CNTN6: variants seen among roughly 807,000 people sequenced by gnomAD.
The protein encoded by CNTN6 is contactin-6.
In CNTN6, 137 loss-of-function variants were observed where a neutral mutation model predicts 122.8. That is an observed-to-expected ratio of 1.12 (90% CI 0.97 to 1.29). The LOEUF is 1.29. Ranked by LOEUF, CNTN6 falls within the 50% of genes most tolerant of loss-of-function variation. The pLI, the probability that CNTN6 is intolerant of heterozygous loss-of-function variation, is 0.00. For missense variants in CNTN6, 1,634 were observed against 1,223.4 expected (o/e 1.34, Z -5.01); for synonymous variants, 570 against 426.0 (o/e 1.34, Z -4.16).
intron 20 of CNTN6, among the ~76,000 whole-genome samples, chr3:1,391,374 T>A (rs1457112423): frequency 8.3e-6 from 1 of 121,098 alleles, no homozygotes. Flanking sequence ...CTAAAAACTC[T>A]CAATAAATTA....
At chr3:1,281,464 CTTTTTTTT>C (rs4065407) in intron 5 of CNTN6, among the ~76,000 whole-genome samples, 2 of 136,990 alleles carry the variant, frequency 1.5e-5, no homozygotes, top group Non-Finnish European at 3.2e-5. Flanking sequence ...TAAAAGTTGA[CTTTTTTTT>C]TTTTTTTTTT....
At chr3:1,373,787 C>A (rs76037419) in intron 15 of CNTN6, 25 bp downstream of exon 15, 4 of 1,557,158 alleles carry the variant, frequency 2.6e-6, no homozygotes, top group Non-Finnish European at 3.5e-6. Context: ...TGTTTTGGGT[C>A]ACTTTAAAAA....
intron 4 of CNTN6, among the ~76,000 whole-genome samples, chr3:1,234,578 T>TA (rs1287763931): frequency 1.3e-5 from 2 of 152,168 alleles, no homozygotes; most frequent in Admixed American, 6.5e-5. Context: ...AAATAACACT[T>TA]AAAAATGCTT....
At chr3:1,202,154 G>A (rs1157231626) in intron 2 of CNTN6, among the ~76,000 whole-genome samples, 2 of 152,112 alleles carry the variant, frequency 1.3e-5, no homozygotes, top group African/African-American at 2.4e-5. Context: ...GTTTCCCTAT[G>A]GTGAAAAACA....
chr3:1,187,059 G>A (rs2093637961), intron 2 of CNTN6, among the ~76,000 whole-genome samples: 1 of 152,094 alleles, frequency 6.6e-6, no homozygotes. Flanking sequence ...GGCCCAACAC[G>A]AGGATTTTTA....
In CNTN6 at chr3:1,373,627, G is replaced by C; in HGVS notation, c.1810G>C (p.Val604Leu). ...VRGPPGPPED[V>L]QVEDISSTTS... is the part of the protein sequence containing the mutation. ...AGGTCCACCAGGTCCTCCTGAGGAT[G>C]TGCAAGTGGAAGACATTTCCAGTAC... Residue 604 changes from valine (V) to leucine (L), a missense_variant, in exon 15 of 23, where the codon GTG (valine) becomes CTG (leucine). Coordinates refer to ENST00000446702, the MANE Select transcript of CNTN6 (RefSeq NM_001289080.2). 6.2e-7 allele frequency: 1 copy of C among 1,612,462 alleles called. No homozygotes were observed. The highest frequency in any genetic ancestry group is 8.5e-7 in the Non-Finnish European group (1 of 1,179,072).
intron 2 of CNTN6, among the ~76,000 whole-genome samples, chr3:1,214,272 C>G (rs529987792): frequency 7.8e-6 from 1 of 128,686 alleles, no homozygotes; most frequent in East Asian, 2.6e-4. Flanking sequence ...TTTTAATGTT[C>G]AAATTGTTCA....
At chr3:1,204,333 C>T (rs897835746) in intron 2 of CNTN6, among the ~76,000 whole-genome samples, 1 of 152,082 alleles carries the variant, frequency 6.6e-6, no homozygotes, top group African/African-American at 2.4e-5. Flanking sequence ...TGACAGTAGG[C>T]TGTTATTTTT....
rs1418264308 is a variant in CNTN6 at position 1,321,667 on chromosome 3, G to A, written c.779G>A (p.Ser260Asn). The A allele has an allele frequency of 1.9e-6, 3 of 1,611,198 alleles. No homozygotes were observed. Among genetic ancestry groups the A allele is most frequent in the Non-Finnish European group, 1.7e-6 (2 of 1,178,260 alleles). ...FALGNPVPDI[S>N]WRRLDGSPLP... Reference sequence around the variant, plus strand: ...CTGTTTAGTCCAGTCCCCGATATTAGTTGGAGAAGGTTGGACGGGAGCCCG... The same window carrying A: ...CTGTTTAGTCCAGTCCCCGATATTAATTGGAGAAGGTTGGACGGGAGCCCG... The change falls in exon 8 of 23, where the codon AGT (serine) becomes AAT (asparagine). Residue 260 changes from serine (S) to asparagine (N), a missense_variant. Physicochemically the swap from Ser to Asn is conservative, Grantham distance 46. Transcript: ENST00000446702.
intron 1 of CNTN6, among the ~76,000 whole-genome samples, chr3:1,111,690 C>G (rs778000488): frequency 6.6e-6 from 1 of 152,248 alleles, no homozygotes; most frequent in South Asian, 2.1e-4. Context: ...CATTTCAACA[C>G]ATATCTTATT....
intron 17 of CNTN6, among the ~76,000 whole-genome samples, chr3:1,379,316 A>G (rs1328707394): frequency 6.6e-6 from 1 of 152,178 alleles, no homozygotes; most frequent in Non-Finnish European, 1.5e-5. Context: ...AGCTACATCC[A>G]TTAATGTATT....
At chr3:1,211,192 T>A (rs566981195) in intron 2 of CNTN6, among the ~76,000 whole-genome samples, 2 of 152,188 alleles carry the variant, frequency 1.3e-5, no homozygotes, top group African/African-American at 4.8e-5. Context: ...AGCAACAAAA[T>A]TCTAACACAG....
intron 5 of CNTN6, among the ~76,000 whole-genome samples, chr3:1,283,790 A>G (rs1693880048): frequency 6.6e-6 from 1 of 152,156 alleles, no homozygotes; most frequent in African/African-American, 2.4e-5. Context: ...ACCTGAGGTC[A>G]GGAGTTCGAG....
In CNTN6 at chr3:1,296,832, G is replaced by A. The variant is rs139860080; in HGVS notation, c.658+1028G>A. 6.4e-3 allele frequency among the ~76,000 whole-genome samples: 973 copies of A among 152,084 alleles called. 2 individuals carry two copies. The highest frequency in any genetic ancestry group is 0.014 in the Middle Eastern group (4 of 294). ...GAATTCATGAGCCAACAATATACTT[G>A]GAGATTCTACCATGTTTTTCCTTTT... On this transcript the variant is annotated intron_variant, in intron 6 of 22. Transcript: ENST00000446702.
At chr3:1,308,005 G>T (rs1698630007) in intron 7 of CNTN6, among the ~76,000 whole-genome samples, 1 of 152,048 alleles carries the variant, frequency 6.6e-6, no homozygotes, top group Non-Finnish European at 1.5e-5. Flanking sequence ...ACTATGTGTA[G>T]TCCACATTTG....
intron 4 of CNTN6, among the ~76,000 whole-genome samples, chr3:1,260,492 G>A (rs2094827723): frequency 1.3e-5 from 2 of 152,000 alleles, no homozygotes; most frequent in Non-Finnish European, 2.9e-5. Flanking sequence ...TGACATTTTT[G>A]TAGCAGTAAC....
At chr3:1,095,460 A>T (rs1287983284) in intron 1 of CNTN6, among the ~76,000 whole-genome samples, 1 of 152,116 alleles carries the variant, frequency 6.6e-6, no homozygotes, top group Non-Finnish European at 1.5e-5. Flanking sequence ...GACAGAGTGA[A>T]ACTCCATCTC....
chr3:1,180,272 T>A (rs1485734944), intron 2 of CNTN6, among the ~76,000 whole-genome samples: 2 of 152,174 alleles, frequency 1.3e-5, no homozygotes, highest in African/African-American at 4.8e-5. Context: ...TGTGGCAACA[T>A]ATCAAGAATT....
In CNTN6 at chr3:1,220,855, T is replaced by A. The variant is rs750194482; in HGVS notation, c.182+42T>A. 5 of 1,554,288 alleles carry A rather than the reference T, an allele frequency of 3.2e-6. No individual in the cohort carries two copies. In the South Asian group the frequency reaches 6.2e-5, roughly 19 times the overall value. On this transcript the variant is annotated intron_variant, in intron 3 of 22. Transcript: ENST00000446702. ...GGGCACCACACTATTTTGTTCTTCC[T>A]CACTGAACCAAAACATACACAAAAT...
Sources: allele counts gnomAD v4.1 joint callset (sites outside exome capture counted in the v4.1 genomes callset), GRCh38; gene constraint gnomAD v4.1.1; transcripts MANE v1.5; gene names NCBI Gene and HGNC (gene_info 2026-07-23, HGNC 2026-07-21).